LHFPL4: variants seen among roughly 807,000 people sequenced by gnomAD.
LHFPL4 encodes LHFPL tetraspan subfamily member 4, also known as LHFPL tetraspan subfamily member 4 protein.
A neutral mutation model predicts 20.0 loss-of-function variants in LHFPL4; 6 were observed. The observed-to-expected ratio is 0.30, with a 90% CI of 0.16 to 0.59. The LOEUF (loss-of-function observed/expected upper bound fraction) is 0.59, where lower values mean the gene tolerates loss of function less well. Ranked by LOEUF, LHFPL4 falls within the 20% of genes least tolerant of loss-of-function variation. The pLI, the probability that LHFPL4 is intolerant of heterozygous loss-of-function variation, is 0.88. For missense variants in LHFPL4, 215 were observed against 331.2 expected, an observed-to-expected ratio of 0.65 and a Z score of 2.72; for synonymous variants, 129 against 143.8, an observed-to-expected ratio of 0.90 and a Z score of 0.74.
intron 2 of LHFPL4, among the ~76,000 whole-genome samples, chr3:9,545,375 T>G (rs1384300564): frequency 6.6e-6 from 1 of 152,056 alleles, no homozygotes; most frequent in Non-Finnish European, 1.5e-5. Context: ...AAATCAAATC[T>G]GAAACAAGAC....
intron 3 of LHFPL4, among the ~76,000 whole-genome samples, chr3:9,503,354 A>G (rs940456128): frequency 2.0e-5 from 3 of 152,226 alleles, no homozygotes; most frequent in East Asian, 1.9e-4. Context: ...GAGAAAGGCC[A>G]GATCTCAGTC....
chr3:9,516,865 C>T (rs749090001), intron 2 of LHFPL4, among the ~76,000 whole-genome samples: 4 of 150,706 alleles, frequency 2.7e-5, no homozygotes, highest in Non-Finnish European at 5.9e-5. Context: ...CTTCCACCTC[C>T]ACCACCTGGG....
Position 9,502,010 on chromosome 3 carries a change from C to A in LHFPL4, c.*201G>T. The A allele has an allele frequency of 1.7e-6, 1 of 605,422 alleles. No homozygotes were observed. Among genetic ancestry groups the A allele is most frequent in the Non-Finnish European group, 3.0e-6 (1 of 336,086 alleles). 37.5% of individuals were successfully genotyped at this position (605,422 alleles called of 1,614,324 possible). On this transcript the variant is annotated 3_prime_UTR_variant, in exon 4 of 4. Transcript: ENST00000287585. ...TTGAGGGAGGAGCAAGAATTAGACC[C>A]TCCCAAGGTTTGGAGGGCCTCTCCT...
At chr3:9,502,782 A>T (rs949736865) in intron 3 of LHFPL4, among the ~76,000 whole-genome samples, 1 of 151,642 alleles carries the variant, frequency 6.6e-6, no homozygotes, top group Non-Finnish European at 1.5e-5. Flanking sequence ...GACCAGCAGG[A>T]TGGCCTTGAG....
At chr3:9,549,323 A>G (rs2046537665) in intron 2 of LHFPL4, among the ~76,000 whole-genome samples, 1 of 152,308 alleles carries the variant, frequency 6.6e-6, no homozygotes, top group Non-Finnish European at 1.5e-5. Flanking sequence ...AGAACAAACA[A>G]AAGAATAAAT....
At chr3:9,531,532 G>A (rs866990704) in intron 2 of LHFPL4, among the ~76,000 whole-genome samples, 1 of 152,198 alleles carries the variant, frequency 6.6e-6, no homozygotes. Flanking sequence ...AGCTGGGCAT[G>A]GTGGATCATG....
At chr3:9,542,004 G>C (rs1039156423) in intron 2 of LHFPL4, among the ~76,000 whole-genome samples, 1 of 152,078 alleles carries the variant, frequency 6.6e-6, no homozygotes, top group Non-Finnish European at 1.5e-5. Context: ...TTGTACACAA[G>C]GCCAGGCGTG....
chr3:9,536,943 G>A (rs554309358), intron 2 of LHFPL4, among the ~76,000 whole-genome samples: 3 of 151,552 alleles, frequency 2.0e-5, no homozygotes, highest in Admixed American at 6.6e-5. Context: ...AAATTCAGCC[G>A]GGTGTGGTAG....
At chr3:9,547,721 C>G (rs2046524551) in intron 2 of LHFPL4, among the ~76,000 whole-genome samples, 1 of 152,206 alleles carries the variant, frequency 6.6e-6, no homozygotes, top group African/African-American at 2.4e-5. Flanking sequence ...ACTCTTCTGG[C>G]AAAAACATGC....
At position 9,540,345 on chromosome 3, in the gene LHFPL4, G is replaced by A. The variant is rs1397799193; in HGVS notation, c.406+11929C>T. Among the ~76,000 whole-genome samples the A allele has an allele frequency of 2.6e-5, 4 of 152,182 alleles. No homozygotes were observed. The East Asian group carries it at 7.7e-4, about 29-fold the overall frequency. On this transcript the variant is annotated intron_variant, in intron 2 of 3. Transcript: ENST00000287585. ...AATGTTTAGTATATTACCATTAGCA[G>A]TGGCTTGGAAATATGTCCACAAATT...
chr3:9,508,036 C>T (rs1574837642), intron 2 of LHFPL4, among the ~76,000 whole-genome samples: 1 of 152,188 alleles, frequency 6.6e-6, no homozygotes, highest in African/African-American at 2.4e-5. Flanking sequence ...GGGTGCTTAG[C>T]CTGGGTTTTA....
intron 2 of LHFPL4, among the ~76,000 whole-genome samples, chr3:9,512,141 C>T (rs1402515459): frequency 6.6e-6 from 1 of 152,168 alleles, no homozygotes; most frequent in Non-Finnish European, 1.5e-5. Context: ...AAGTGTTAGC[C>T]AGGATGGTCT....
chr3:9,536,044 G>A (rs893932752), intron 2 of LHFPL4, among the ~76,000 whole-genome samples: 26 of 152,248 alleles, frequency 1.7e-4, no homozygotes, highest in South Asian at 1.2e-3. Flanking sequence ...CAGGTGATCT[G>A]CCCACCTCAC....
At chr3:9,523,883 G>T (rs1036798494) in intron 2 of LHFPL4, among the ~76,000 whole-genome samples, 1 of 151,654 alleles carries the variant, frequency 6.6e-6, no homozygotes, top group Non-Finnish European at 1.5e-5. Flanking sequence ...AGGTCTACTG[G>T]TAACAAATTC....
chr3:9,536,760 G>A (rs898147089), intron 2 of LHFPL4, among the ~76,000 whole-genome samples: 6 of 151,864 alleles, frequency 4.0e-5, no homozygotes, highest in African/African-American at 9.7e-5. Flanking sequence ...CCAGGAGTTC[G>A]AGATCAGCCT....
intron 2 of LHFPL4, among the ~76,000 whole-genome samples, chr3:9,533,630 A>C (rs2046425346): frequency 6.6e-6 from 1 of 152,050 alleles, no homozygotes; most frequent in Non-Finnish European, 1.5e-5. Context: ...AAAATACACA[A>C]AATTAGCTGG....
chr3:9,498,702 C>T lies in LHFPL4; in HGVS notation c.*3509G>A, dbSNP rs2046148281. On this transcript the variant is annotated 3_prime_UTR_variant, in exon 4 of 4. Transcript: ENST00000287585. ...GGGAACATCCCAGCTTCTCCAAAGA[C>T]AGGGTTTCCCTTTCTCTTTCTCAGT... The T allele has an allele frequency of 1.3e-5, 2 of 152,798 alleles. No individual in the cohort carries two copies. The highest frequency in any genetic ancestry group is 2.1e-4 in the South Asian group (1 of 4,834). The allele number at this position is 152,798 out of a possible 1,614,324, so 9.5% of individuals were successfully genotyped here. A position where few individuals can be genotyped will look rare whatever the true frequency, so the allele number is the denominator to read the frequency against.
At chr3:9,548,974 A>G (rs2046535243) in intron 2 of LHFPL4, among the ~76,000 whole-genome samples, 1 of 152,262 alleles carries the variant, frequency 6.6e-6, no homozygotes, top group Non-Finnish European at 1.5e-5. Flanking sequence ...GAGCGAGCAC[A>G]GAGGAACCAA....
rs1033607415 is a variant in LHFPL4 at position 9,517,804 on chromosome 3, T to G, written c.407-11601A>C. 5.6e-4 allele frequency among the ~76,000 whole-genome samples: 79 copies of G among 141,992 alleles called. 1 individual carries two copies. Among genetic ancestry groups the G allele is most frequent in the Admixed American group, 1.1e-3 (15 of 14,206 alleles). 93.2% of individuals were successfully genotyped at this position (141,992 alleles called of 152,430 possible). A position where few individuals can be genotyped will look rare whatever the true frequency, so the allele number is the denominator to read the frequency against. On this transcript the variant is annotated intron_variant, in intron 2 of 3. Coordinates refer to ENST00000287585, the MANE Select transcript of LHFPL4 (RefSeq NM_198560.3). Reference sequence around the variant, plus strand: ...CTATAGGAGGTTGGGTTTTTTTGTTTTTTGTTTTTTTTTTTTTGCTTGATT... The same window carrying G: ...CTATAGGAGGTTGGGTTTTTTTGTTGTTTGTTTTTTTTTTTTTGCTTGATT...
Sources: allele counts gnomAD v4.1 joint callset (sites outside exome capture counted in the v4.1 genomes callset), GRCh38; gene constraint gnomAD v4.1.1; transcripts MANE v1.5; gene names NCBI Gene and HGNC (gene_info 2026-07-23, HGNC 2026-07-21).